IPO13: variants seen among roughly 807,000 people sequenced by gnomAD.
IPO13 encodes the protein importin 13.
IPO13 carries 28 observed loss-of-function variants against 115.5 expected under a neutral mutation model. That is an observed-to-expected ratio of 0.24 (90% CI 0.18 to 0.33). The LOEUF (loss-of-function observed/expected upper bound fraction) is 0.33. Among genes scored for constraint, IPO13 ranks in the 10% least tolerant of loss-of-function variants. The probability of loss-of-function intolerance (pLI) is 1.00; values close to 1 mark genes in which losing one functional copy is unlikely to be tolerated. For missense variants in IPO13, 785 were observed against 1,204.6 expected, an observed-to-expected ratio of 0.65 and a Z score of 5.16; for synonymous variants, 414 against 478.9, an observed-to-expected ratio of 0.86 and a Z score of 1.77.
intron 7 of IPO13, 28 bp from the exon 8 acceptor site, chr1:43,957,948 AG>A (rs1298654458): frequency 6.2e-7 from 1 of 1,611,162 alleles, no homozygotes; most frequent in South Asian, 1.1e-5. Flanking sequence ...CCTGCCTCAA[AG>A]ATCCTCCTGT....
chr1:43,965,457 G>A (rs1557635676), intron 15 of IPO13, among the ~76,000 whole-genome samples: 2 of 152,042 alleles, frequency 1.3e-5, no homozygotes, highest in Non-Finnish European at 2.9e-5. Context: ...GGAAGAATAG[G>A]GAGTGTTCTG....
intron 14 of IPO13, among the ~76,000 whole-genome samples, chr1:43,962,726 T>C (rs2085298294): frequency 1.3e-5 from 2 of 152,230 alleles, no homozygotes; most frequent in South Asian, 4.1e-4. Context: ...CTCAGAGTAA[T>C]TTCTCTCTGA....
intron 2 of IPO13, among the ~76,000 whole-genome samples, chr1:43,953,825 A>C (rs1259511734): frequency 6.6e-6 from 1 of 152,080 alleles, no homozygotes; most frequent in Non-Finnish European, 1.5e-5. Context: ...ATCAGTTAGG[A>C]CTGGAGATAT....
rs1231322730 is a variant in IPO13, at chr1:43,956,680, C to T, written c.1083C>T (p.Leu361=). The T allele has an allele frequency of 6.2e-7, 1 of 1,614,146 alleles. No individual in the cohort carries two copies. Among genetic ancestry groups the T allele is most frequent in the African/African-American group, 1.3e-5 (1 of 74,944 alleles). Residue 361 remains leucine, a synonymous_variant, in exon 4 of 20, where the codon CTC becomes CTT. Coordinates refer to ENST00000372343, the MANE Select transcript of IPO13 (RefSeq NM_014652.4). The surrounding 1 kb of genome is among the most constrained non-coding windows in gnomAD (Gnocchi z 4.7). ...PVNETTSSLT[L]TFWYTLQDDI... ...ATGAGACCACCAGCTCCCTAACCCT[C>T]ACCTTCTGGTACACACTGCAGGTGT...
At chr1:43,960,595 CA>C (rs2085282608) in intron 12 of IPO13, among the ~76,000 whole-genome samples, 2 of 152,192 alleles carry the variant, frequency 1.3e-5, no homozygotes, top group South Asian at 4.1e-4. Flanking sequence ...GGTCCCTTTT[CA>C]ATTCAGGTTT....
chr1:43,967,695 T>C lies in IPO13; in HGVS notation c.*13T>C, dbSNP rs1448640155. 4 of 1,609,146 alleles carry C rather than the reference T, an allele frequency of 2.5e-6. No individual in the cohort carries two copies. On this transcript the variant is annotated 3_prime_UTR_variant, in exon 20 of 20. Transcript: ENST00000372343. The surrounding 1 kb of genome is among the most constrained non-coding windows in gnomAD (Gnocchi z 6.1). ...AGCTGACTACTGAGGGGTGCCCCCATCCCATCCACCCCTTCTCTTCATCCT... is the reference window on the plus strand; with the variant it reads ...AGCTGACTACTGAGGGGTGCCCCCACCCCATCCACCCCTTCTCTTCATCCT...
chr1:43,958,972 T>G lies in IPO13; in HGVS notation c.2028+83T>G. The G allele has an allele frequency of 3.0e-6, 4 of 1,334,268 alleles. No homozygotes were observed. The highest frequency in any genetic ancestry group is 4.2e-6 in the Non-Finnish European group (4 of 943,388). The allele number at this position is 1,334,268 out of a possible 1,614,324, so 82.7% of individuals were successfully genotyped here. On this transcript the variant is annotated intron_variant, in intron 11 of 19. Coordinates refer to ENST00000372343, the MANE Select transcript of IPO13 (RefSeq NM_014652.4). This position sits in a 1 kb window ranked among gnomAD's most constrained non-coding sequence, Gnocchi z 6.3. ...CCTGTGGGAATGTCATTGTCACTCT[T>G]CAATTCTGTGGGTAATGTTGTCATT...
chr1:43,947,502 C>A lies in IPO13; in HGVS notation c.-99C>A. 1.5e-6 allele frequency: 1 copy of A among 656,452 alleles called. No individual in the cohort carries two copies. The highest frequency in any genetic ancestry group is 2.2e-6 in the Non-Finnish European group (1 of 458,106). The allele number at this position is 656,452 out of a possible 1,614,324, so 40.7% of individuals were successfully genotyped here. On this transcript the variant is annotated 5_prime_UTR_variant, in exon 1 of 20. Transcript: ENST00000372343. Reference sequence around the variant, plus strand: ...TGGGCCCCCCCTCACCCCACCACTCCCTGGGCACCCAAGCCGGGGTCTAGC... The same window carrying A: ...TGGGCCCCCCCTCACCCCACCACTCACTGGGCACCCAAGCCGGGGTCTAGC...
rs555564880 is a variant in IPO13 at position 43,958,346 on chromosome 1, C to G, written c.1749+78C>G. On this transcript the variant is annotated intron_variant, in intron 9 of 19. Transcript: ENST00000372343. The surrounding 1 kb of genome is among the most constrained non-coding windows in gnomAD (Gnocchi z 6.3). The stretch of plus-strand genomic sequence containing the variant: ...TATCCCTGAAATCCTGTTTTTTGGC[C>G]TTCCCCTTCCTCTTATCCCTTATTC... 2 of 1,608,404 alleles carry G rather than the reference C, an allele frequency of 1.2e-6. No individual in the cohort carries two copies. The highest frequency in any genetic ancestry group is 1.3e-5 in the African/African-American group (1 of 74,862).
chr1:43,967,580 C>T lies in IPO13; in HGVS notation c.2796-6C>T. Reference sequence around the variant, plus strand: ...GTGCTAACCTGCTCTCCCTTTTCTCCTTCAGCGAGCGAGTGAACAAGAGGC... The same window carrying T: ...GTGCTAACCTGCTCTCCCTTTTCTCTTTCAGCGAGCGAGTGAACAAGAGGC... On this transcript the variant is annotated splice_region_variant and splice_polypyrimidine_tract_variant and intron_variant, in intron 19 of 19. Transcript: ENST00000372343. This position sits in a 1 kb window ranked among gnomAD's most constrained non-coding sequence, Gnocchi z 6.1. 1.9e-6 allele frequency: 3 copies of T among 1,614,202 alleles called. No individual in the cohort carries two copies. The highest frequency in any genetic ancestry group is 1.6e-4 in the Middle Eastern group (1 of 6,062).
chr1:43,949,367 G>GGCAGGATCCAGAGTGGCCA, intron 1 of IPO13, 50 bp from the exon 2 acceptor site: 1 of 1,529,582 alleles, frequency 6.5e-7, no homozygotes, highest in South Asian at 1.3e-5. Flanking sequence ...TCTGGGCTCT[G>GGCAGGATCCAGAGTGGCCA]GCAGGATCCA....
chr1:43,964,789 G>C lies in IPO13; in HGVS notation c.2397+468G>C, dbSNP rs560175740. Reference sequence around the variant, plus strand: ...GAGGGGCTGAAGAGGAATGTGCGCGGTGGAGCCCAGAGTTGGGCTGTTGGA... The same window carrying C: ...GAGGGGCTGAAGAGGAATGTGCGCGCTGGAGCCCAGAGTTGGGCTGTTGGA... On this transcript the variant is annotated intron_variant, in intron 15 of 19. Transcript: ENST00000372343. Among the ~76,000 whole-genome samples, 5 of 152,364 alleles carry C rather than the reference G, an allele frequency of 3.3e-5. No individual in the cohort carries two copies. In the East Asian group the frequency reaches 9.6e-4, roughly 29 times the overall value.
intron 13 of IPO13, 67 bp downstream of exon 13, chr1:43,961,080 TG>T (rs2085286585): frequency 6.2e-7 from 1 of 1,610,332 alleles, no homozygotes. Context: ...CTGCCGTGGC[TG>T]GGGTCCCCAC....
chr1:43,966,387 C>T lies in IPO13; in HGVS notation c.2398-188C>T, dbSNP rs2085324793. The T allele has an allele frequency of 9.3e-6, 6 of 642,420 alleles. No homozygotes were observed. The highest frequency in any genetic ancestry group is 2.3e-5 in the Admixed American group (1 of 43,098). 39.8% of individuals were successfully genotyped at this position (642,420 alleles called of 1,614,324 possible). ...ATGTACACATACATGTACATAGCAT[C>T]CCTTGAGCTGTCCTCACCTGACCTA... is the stretch of plus-strand genomic sequence containing the variant. On this transcript the variant is annotated intron_variant, in intron 15 of 19. Transcript: ENST00000372343. The surrounding 1 kb of genome is among the most constrained non-coding windows in gnomAD (Gnocchi z 4.1).
In IPO13 at chr1:43,966,666, G is replaced by A; in HGVS notation, c.2464+25G>A. 6.2e-7 allele frequency: 1 copy of A among 1,614,096 alleles called. No individual in the cohort carries two copies. The highest frequency in any genetic ancestry group is 8.5e-7 in the Non-Finnish European group (1 of 1,179,924). ...GGTAAGTGGGGCGAGATGGACAGGT[G>A]GGCCTGGGGCTCCCCTAGAAGGATC... On this transcript the variant is annotated intron_variant, in intron 16 of 19. Transcript: ENST00000372343. The surrounding 1 kb of genome is among the most constrained non-coding windows in gnomAD (Gnocchi z 4.1).
chr1:43,961,315 T>G, intron 14 of IPO13, 53 bp downstream of exon 14: 1 of 1,446,444 alleles, frequency 6.9e-7, no homozygotes, highest in Non-Finnish European at 9.7e-7. Context: ...TGCCTCTGCT[T>G]CCCCAAATGG....
Position 43,966,926 on chromosome 1 carries a change from G to A in IPO13, c.2524-4G>A. 2 of 1,613,814 alleles carry A rather than the reference G, an allele frequency of 1.2e-6. No individual in the cohort carries two copies. The highest frequency in any genetic ancestry group is 1.3e-5 in the African/African-American group (1 of 75,050). Reference sequence around the variant, plus strand: ...GGGCTGATGGGCCTCTCCATCCTCTGCAGACAGAGCTGCTGCCTCGGTGTG... The same window carrying A: ...GGGCTGATGGGCCTCTCCATCCTCTACAGACAGAGCTGCTGCCTCGGTGTG... On this transcript the variant is annotated splice_polypyrimidine_tract_variant and splice_region_variant and intron_variant, in intron 17 of 19. Transcript: ENST00000372343. This position sits in a 1 kb window ranked among gnomAD's most constrained non-coding sequence, Gnocchi z 4.1.
chr1:43,953,637 G>A (rs2085224041), intron 2 of IPO13, among the ~76,000 whole-genome samples: 1 of 152,190 alleles, frequency 6.6e-6, no homozygotes, highest in South Asian at 2.1e-4. Flanking sequence ...CCCTCCCCTT[G>A]GCTGAGCTTG....
intron 11 of IPO13, 110 bp from the exon 12 acceptor site, chr1:43,960,139 T>C: frequency 2.1e-6 from 2 of 956,234 alleles, no homozygotes; most frequent in East Asian, 4.8e-5. Flanking sequence ...TCAATGTGTG[T>C]TCTGGGGTAA....
Sources: gnomAD v4.1 joint callset for allele counts (sites outside exome capture counted in the v4.1 genomes callset) on GRCh38, gnomAD v4.1.1 for gene constraint, Gnocchi (gnomAD v3.1) non-coding constraint, MANE v1.5 for transcripts, NCBI Gene and HGNC (gene_info 2026-07-23, HGNC 2026-07-21) for gene names.